Variants in NKAIN2 observed in about 807,000 individuals in gnomAD.
The protein encoded by NKAIN2 is sodium/potassium transporting ATPase interacting 2.
Under a neutral mutation model 32.6 loss-of-function variants are expected in NKAIN2, and 14 were observed. The observed-to-expected ratio is 0.43, with a 90% CI of 0.28 to 0.67. The LOEUF is 0.67. Among genes scored for constraint, NKAIN2 ranks in the 30% least tolerant of loss-of-function variants. NKAIN2 has a pLI of 0.17. For missense variants in NKAIN2, 198 were observed against 258.3 expected (o/e 0.77, Z 1.60); for synonymous variants, 80 against 87.2 (o/e 0.92, Z 0.46).
intron 1 of NKAIN2, among the ~76,000 whole-genome samples, chr6:123,904,103 T>A (rs905486281): frequency 2.0e-4 from 30 of 151,990 alleles, no homozygotes; most frequent in Admixed American, 2.0e-3. Context: ...TGGTGGTGCA[T>A]GCCTGTAATC....
chr6:124,436,089 T>C (rs1775431088), intron 3 of NKAIN2, among the ~76,000 whole-genome samples: 1 of 152,214 alleles, frequency 6.6e-6, no homozygotes, highest in Admixed American at 6.5e-5. Flanking sequence ...TTAATCCACG[T>C]ATCTTTGTCT....
intron 1 of NKAIN2, among the ~76,000 whole-genome samples, chr6:124,041,764 T>C (rs1041547947): frequency 2.0e-5 from 3 of 152,090 alleles, no homozygotes; most frequent in Non-Finnish European, 4.4e-5. Flanking sequence ...TTCATAATAT[T>C]GTAAATTGGA....
At chr6:124,723,668 C>A (rs1191597767) in intron 4 of NKAIN2, among the ~76,000 whole-genome samples, 4 of 152,148 alleles carry the variant, frequency 2.6e-5, no homozygotes, top group Admixed American at 2.6e-4. Context: ...ATAAACTGAA[C>A]AGGAAGAAAA....
chr6:124,427,820 T>C (rs889926132), intron 3 of NKAIN2, among the ~76,000 whole-genome samples: 2 of 152,292 alleles, frequency 1.3e-5, no homozygotes, highest in South Asian at 4.1e-4. Flanking sequence ...CTTCTTTCAG[T>C]GTCACGAAAC....
intron 3 of NKAIN2, among the ~76,000 whole-genome samples, chr6:124,364,256 G>GAGAGAGAA (rs753105073): frequency 1.1e-4 from 12 of 105,328 alleles, no homozygotes; most frequent in African/African-American, 3.9e-4. Flanking sequence ...AAAAAAGAGA[G>GAGAGAGAA]AAAAGAATGT....
At chr6:124,253,631 A>G (rs935982633) in intron 1 of NKAIN2, among the ~76,000 whole-genome samples, 16 of 152,254 alleles carry the variant, frequency 1.1e-4, no homozygotes, top group Non-Finnish European at 2.1e-4. Context: ...CTTGAAAATC[A>G]AAAGTAAACC....
intron 3 of NKAIN2, among the ~76,000 whole-genome samples, chr6:124,373,793 C>A (rs1799871192): frequency 6.6e-6 from 1 of 152,022 alleles, no homozygotes; most frequent in Non-Finnish European, 1.5e-5. Flanking sequence ...TTATTGCCAA[C>A]TTTGCTAAAA....
At chr6:124,494,788 T>TG (rs1778001559) in intron 3 of NKAIN2, among the ~76,000 whole-genome samples, 1 of 152,124 alleles carries the variant, frequency 6.6e-6, no homozygotes, top group Non-Finnish European at 1.5e-5. Context: ...TTTTTATTAG[T>TG]GGTGCTTTGA....
At chr6:124,585,276 G>T (rs1677103207) in intron 3 of NKAIN2, among the ~76,000 whole-genome samples, 1 of 152,158 alleles carries the variant, frequency 6.6e-6, no homozygotes, top group Admixed American at 6.5e-5. Context: ...CACTCATGGG[G>T]ATAGAGAGTA....
At chr6:124,179,575 G>C (rs994440115) in intron 1 of NKAIN2, among the ~76,000 whole-genome samples, 12 of 152,174 alleles carry the variant, frequency 7.9e-5, no homozygotes, top group Non-Finnish European at 1.5e-4. Context: ...AAAAGGAGGG[G>C]AGAGGAAGCA....
intron 1 of NKAIN2, among the ~76,000 whole-genome samples, chr6:123,888,241 G>A (rs1393231728): frequency 6.6e-6 from 1 of 151,970 alleles, no homozygotes. Flanking sequence ...GGAAACATAG[G>A]CACCATATCA....
intron 3 of NKAIN2, among the ~76,000 whole-genome samples, chr6:124,506,936 C>T (rs1266850799): frequency 6.6e-6 from 1 of 152,124 alleles, no homozygotes; most frequent in Admixed American, 6.5e-5. Flanking sequence ...AATCTCAGGC[C>T]CTGTGGCAAG....
chr6:124,308,078 C>A (rs1796578286), intron 2 of NKAIN2, among the ~76,000 whole-genome samples: 1 of 151,984 alleles, frequency 6.6e-6, no homozygotes, highest in African/African-American at 2.4e-5. Flanking sequence ...CACCTATCAA[C>A]CTGTCATCTA....
chr6:124,224,432 A>G (rs1792001504), intron 1 of NKAIN2, among the ~76,000 whole-genome samples: 1 of 152,104 alleles, frequency 6.6e-6, no homozygotes, highest in African/African-American at 2.4e-5. Flanking sequence ...GTAGCCTAAG[A>G]CATTCACATC....
At chr6:124,693,285 C>T (rs1322323611) in intron 4 of NKAIN2, among the ~76,000 whole-genome samples, 1 of 152,104 alleles carries the variant, frequency 6.6e-6, no homozygotes, top group Non-Finnish European at 1.5e-5. Context: ...ATTGCCTACA[C>T]CATTCAGTAC....
intron 4 of NKAIN2, among the ~76,000 whole-genome samples, chr6:124,696,976 G>A (rs1166507306): frequency 6.6e-6 from 1 of 151,966 alleles, no homozygotes; most frequent in African/African-American, 2.4e-5. Context: ...CTAAAAGATG[G>A]ATTTTTTTCT....
At chr6:124,165,568 A>G (rs969279868) in intron 1 of NKAIN2, among the ~76,000 whole-genome samples, 2 of 151,918 alleles carry the variant, frequency 1.3e-5, no homozygotes, top group Non-Finnish European at 2.9e-5. Flanking sequence ...CACAATGTGC[A>G]GGTTAATTAC....
At chr6:124,200,603 TA>T (rs1324059557) in intron 1 of NKAIN2, among the ~76,000 whole-genome samples, 2 of 152,154 alleles carry the variant, frequency 1.3e-5, no homozygotes, top group Non-Finnish European at 2.9e-5. Flanking sequence ...GTATCTTAGA[TA>T]AATTTCACAT....
chr6:124,783,563 C>T (rs1444230142), intron 4 of NKAIN2, among the ~76,000 whole-genome samples: 1 of 152,168 alleles, frequency 6.6e-6, no homozygotes, highest in Admixed American at 6.6e-5. Context: ...AGGTTGATAA[C>T]TGCACCTGGA....
Sources: allele counts gnomAD v4.1 joint callset (sites outside exome capture counted in the v4.1 genomes callset), GRCh38; gene constraint gnomAD v4.1.1; transcripts MANE v1.5; gene names NCBI Gene and HGNC (gene_info 2026-07-23, HGNC 2026-07-21).